DSC2: variants seen among roughly 807,000 people sequenced by gnomAD.
DSC2 encodes desmocollin 2.
Under a neutral mutation model 87.6 loss-of-function variants are expected in DSC2, and 51 were observed. That is an observed-to-expected ratio of 0.58 (90% CI 0.46 to 0.74). DSC2 has a LOEUF of 0.74. Among genes scored for constraint, DSC2 ranks in the 30% least tolerant of loss-of-function variants. DSC2 has a pLI of 0.00. For synonymous variants in DSC2, 383 were observed against 393.2 expected (o/e 0.97, Z 0.31); for missense variants, 1,066 against 1,089.5 (o/e 0.98, Z 0.30).
At position 31,058,988 on chromosome 18, in the gene DSC2, A is replaced by T. The variant is rs1009315844; in HGVS notation, c.*9027T>A. The T allele has an allele frequency of 6.6e-6, 1 of 152,210 alleles. No individual in the cohort carries two copies. Among genetic ancestry groups the T allele is most frequent in the Non-Finnish European group, 1.5e-5 (1 of 68,042 alleles). 9.4% of individuals were successfully genotyped at this position (152,210 alleles called of 1,614,324 possible). On this transcript the variant is annotated 3_prime_UTR_variant, in exon 16 of 16. Coordinates refer to ENST00000280904, the MANE Select transcript of DSC2 (RefSeq NM_024422.6). ...GAACATTTACATAGAACTATGTTCT[A>T]GCAATTTTTTAAAGCAGATGAGGAA...
intron 3 of DSC2, 54 bp downstream of exon 3, chr18:31,092,047 T>G: frequency 6.5e-7 from 1 of 1,541,906 alleles, no homozygotes; most frequent in Non-Finnish European, 8.9e-7. Flanking sequence ...CCTGGTAATG[T>G]TGATTACGTC....
At chr18:31,068,246 T>C in intron 15 of DSC2, 34 bp from the exon 16 acceptor site, 1 of 1,612,916 alleles carries the variant, frequency 6.2e-7, no homozygotes, top group Middle Eastern at 1.7e-4. Context: ...TTTTTATTAT[T>C]ATTATTTTAA....
At chr18:31,073,190 C>T (rs1986888890) in intron 12 of DSC2, among the ~76,000 whole-genome samples, 1 of 151,884 alleles carries the variant, frequency 6.6e-6, no homozygotes, top group Non-Finnish European at 1.5e-5. Context: ...GACAAACATA[C>T]AGCTGCCAAA....
At chr18:31,093,188 G>C (rs964194240) in intron 2 of DSC2, among the ~76,000 whole-genome samples, 2 of 152,164 alleles carry the variant, frequency 1.3e-5, no homozygotes, top group Non-Finnish European at 2.9e-5. Flanking sequence ...GTGCAGGTTT[G>C]TTACATAGGT....
In DSC2 at chr18:31,079,873, T is replaced by C. The variant is rs771304902; in HGVS notation, c.1637A>G (p.Asn546Ser). Residue 546 changes from asparagine (N) to serine (S), a missense_variant, in exon 11 of 16, where the codon AAT (asparagine) becomes AGT (serine). Coordinates refer to ENST00000280904, the MANE Select transcript of DSC2 (RefSeq NM_024422.6). Reference protein sequence around the residue: ...EAETIKNGIYNITVLASDQGG... With the variant: ...EAETIKNGIYSITVLASDQGG... ...TTGGTCTGATGCAAGGACTGTAATA[T>C]TATATATGCCATTTTTGATGGTCTC... 4 of 1,613,938 alleles carry C rather than the reference T, an allele frequency of 2.5e-6. 1 individual carries two copies. In the South Asian group the frequency reaches 4.4e-5, roughly 18 times the overall value.
At chr18:31,075,006 A>C (rs941317382) in intron 11 of DSC2, 99 bp from the exon 12 acceptor site, 2 of 1,251,218 alleles carry the variant, frequency 1.6e-6, no homozygotes, top group Non-Finnish European at 2.3e-6. Context: ...AGCACCTATA[A>C]TGTAGAAGTT....
In DSC2 at chr18:31,074,915, A is replaced by C. The variant is rs368672498; in HGVS notation, c.1664-8T>G. The C allele has an allele frequency of 6.2e-7, 1 of 1,607,648 alleles. No homozygotes were observed. Among genetic ancestry groups the C allele is most frequent in the African/African-American group, 1.3e-5 (1 of 74,690 alleles). On this transcript the variant is annotated splice_region_variant and splice_polypyrimidine_tract_variant and intron_variant, in intron 11 of 15. Transcript: ENST00000280904. ...CCGTACATGTTCTCCCTCCTAGAAAAATGAAAATAAAAATAGTTTTTCTAT... is the reference window on the plus strand; with the variant it reads ...CCGTACATGTTCTCCCTCCTAGAAACATGAAAATAAAAATAGTTTTTCTAT...
rs1452436947 is a variant in DSC2, at chr18:31,075,513, G to A, written c.1664-606C>T. 3.9e-5 allele frequency among the ~76,000 whole-genome samples: 6 copies of A among 152,330 alleles called. No individual in the cohort carries two copies. In the East Asian group the frequency reaches 1.2e-3, roughly 29 times the overall value. On this transcript the variant is annotated intron_variant, in intron 11 of 15. Coordinates refer to ENST00000280904, the MANE Select transcript of DSC2 (RefSeq NM_024422.6). ...ACTTGAAAACTGAAATAATCACTGT[G>A]GGTTGTAGCCTAAGTAATTCATCTA...
At chr18:31,077,748 C>T (rs925379564) in intron 11 of DSC2, among the ~76,000 whole-genome samples, 2 of 152,140 alleles carry the variant, frequency 1.3e-5, no homozygotes, top group Non-Finnish European at 2.9e-5. Context: ...ATGAGGTGCA[C>T]TATCCATGGT....
chr18:31,080,398 T>C, intron 9 of DSC2, 46 bp from the exon 10 acceptor site: 1 of 1,606,680 alleles, frequency 6.2e-7, no homozygotes, highest in South Asian at 1.1e-5. Flanking sequence ...TCATTTAATA[T>C]TTGGCAATGC....
chr18:31,080,773 A>G (rs905560511), intron 9 of DSC2, among the ~76,000 whole-genome samples: 3 of 152,156 alleles, frequency 2.0e-5, no homozygotes, highest in African/African-American at 7.2e-5. Context: ...TGCCTCCTAC[A>G]CAGCCTGTGG....
chr18:31,083,163 G>A (rs1374313734), intron 7 of DSC2, 103 bp from the exon 8 acceptor site: 16 of 1,304,542 alleles, frequency 1.2e-5, no homozygotes, highest in Non-Finnish European at 1.7e-5. Flanking sequence ...AATTTAAGAA[G>A]TGCATTATTA....
chr18:31,100,747 G>A (rs1987915305), intron 1 of DSC2, among the ~76,000 whole-genome samples: 1 of 152,166 alleles, frequency 6.6e-6, no homozygotes, highest in Non-Finnish European at 1.5e-5. Flanking sequence ...TTAGCCTTCC[G>A]GGTTCCTCCC....
intron 1 of DSC2, among the ~76,000 whole-genome samples, chr18:31,098,153 T>G (rs1987822023): frequency 6.6e-6 from 1 of 152,196 alleles, no homozygotes; most frequent in Non-Finnish European, 1.5e-5. Context: ...ATATGTACTC[T>G]TATATAATTG....
Position 31,074,709 on chromosome 18 carries a change from C to A in DSC2, c.1862G>T (p.Arg621Ile), listed in dbSNP as rs1225904818. 4.3e-6 allele frequency: 7 copies of A among 1,613,764 alleles called. No individual in the cohort carries two copies. The highest frequency in any genetic ancestry group is 5.9e-6 in the Non-Finnish European group (7 of 1,179,960). The change falls in exon 12 of 16, where the codon AGA (arginine) becomes ATA (isoleucine). Residue 621 changes from arginine to isoleucine, a missense_variant. Transcript: ENST00000280904. ...SLESSTSEVQ[R>I]MWRLKAINDT... Reference sequence around the variant, plus strand: ...ATTAATTGCTTTCAGTCTCCACATTCTCTGTACTTCTGAAGTAGAACTCTC... The same window carrying A: ...ATTAATTGCTTTCAGTCTCCACATTATCTGTACTTCTGAAGTAGAACTCTC...
chr18:31,074,891 C>T lies in DSC2; in HGVS notation c.1680G>A (p.Thr560=), dbSNP rs567202599. The change falls in exon 12 of 16, where the codon ACG becomes ACA. Residue 560 remains threonine, a synonymous_variant. Coordinates refer to ENST00000280904, the MANE Select transcript of DSC2 (RefSeq NM_024422.6). ...CTTGAAGTATAATGCCCAGTGTCCC[C>T]GTACATGTTCTCCCTCCTAGAAAAA... is the stretch of plus-strand genomic sequence containing the variant. ...LASDQGGRTC[T]GTLGIILQDV... 212 of 1,613,596 alleles carry T rather than the reference C, an allele frequency of 1.3e-4. 2 individuals carry two copies. The South Asian group carries it at 1.9e-3, about 14-fold the overall frequency.
In DSC2 at chr18:31,061,827, G is replaced by T. The variant is rs1168578120; in HGVS notation, c.*6188C>A. On this transcript the variant is annotated 3_prime_UTR_variant, in exon 16 of 16. Coordinates refer to ENST00000280904, the MANE Select transcript of DSC2 (RefSeq NM_024422.6). ...TGGGATAAAGAACACAAGGACAGGT[G>T]GGGAGAGAAGAGCTTCTTGGAAGAA... 1 of 152,174 alleles carries T rather than the reference G, an allele frequency of 6.6e-6. No homozygotes were observed. Among genetic ancestry groups the T allele is most frequent in the African/African-American group, 2.4e-5 (1 of 41,430 alleles). The allele number at this position is 152,174 out of a possible 1,614,324, so 9.4% of individuals were successfully genotyped here. A position where few individuals can be genotyped will look rare whatever the true frequency, so the allele number is the denominator to read the frequency against.
Position 31,067,747 on chromosome 18 carries a change from C to T in DSC2, c.*268G>A. On this transcript the variant is annotated 3_prime_UTR_variant, in exon 16 of 16. Coordinates refer to ENST00000280904, the MANE Select transcript of DSC2 (RefSeq NM_024422.6). ...TATAAATTGGCTGTTGTCATTATACCCAAATGTAACAAATAAGGCAGACTT... is the reference window on the plus strand; with the variant it reads ...TATAAATTGGCTGTTGTCATTATACTCAAATGTAACAAATAAGGCAGACTT... 8 of 387,182 alleles carry T rather than the reference C, an allele frequency of 2.1e-5. No homozygotes were observed. The highest frequency in any genetic ancestry group is 2.9e-5 in the South Asian group (1 of 34,610). The allele number at this position is 387,182 out of a possible 1,614,324, so 24.0% of individuals were successfully genotyped here.
At chr18:31,070,872 C>T (rs768946883) in intron 13 of DSC2, 22 bp from the exon 14 acceptor site, 9 of 1,612,756 alleles carry the variant, frequency 5.6e-6, no homozygotes, top group Non-Finnish European at 7.6e-6. Flanking sequence ...AAGAAATATA[C>T]TTGAGTTTAT....
Sources: allele counts gnomAD v4.1 joint callset (sites outside exome capture counted in the v4.1 genomes callset), GRCh38; gene constraint gnomAD v4.1.1; transcripts MANE v1.5; gene names NCBI Gene and HGNC (gene_info 2026-07-23, HGNC 2026-07-21).